Variants in DNAH9 observed in about 807,000 individuals in gnomAD.
The protein encoded by DNAH9 is dynein axonemal heavy chain 9, also known as DNAH9 variant protein.
In DNAH9, 345 loss-of-function variants were observed where a neutral mutation model predicts 471.6. The observed-to-expected ratio is 0.73, with a 90% CI of 0.67 to 0.80. The LOEUF (loss-of-function observed/expected upper bound fraction) is 0.80, where lower values mean the gene tolerates loss of function less well. DNAH9 is among the 30% of genes least tolerant of loss of function. The pLI is 0.00. For missense variants in DNAH9, 5,407 were observed against 5,609.2 expected (o/e 0.96, Z 1.15); for synonymous variants, 2,093 against 2,123.6 (o/e 0.99, Z 0.40).
intron 28 of DNAH9, among the ~76,000 whole-genome samples, chr17:11,735,971 A>G (rs377286896): frequency 1.6e-3 from 239 of 152,216 alleles, no homozygotes; most frequent in African/African-American, 5.2e-3. Flanking sequence ...CCACTTACCA[A>G]CTGTGGGGTT....
chr17:11,928,846 T>C (rs1471490383), intron 62 of DNAH9, among the ~76,000 whole-genome samples: 8 of 152,184 alleles, frequency 5.3e-5, no homozygotes, highest in Admixed American at 4.6e-4. Flanking sequence ...GAGGATCTCA[T>C]TAAAAGGCGC....
At chr17:11,791,761 C>T (rs1353527432) in intron 41 of DNAH9, among the ~76,000 whole-genome samples, 1 of 151,982 alleles carries the variant, frequency 6.6e-6, no homozygotes, top group East Asian at 1.9e-4. Flanking sequence ...CTTCTATAAT[C>T]GAGACGTATA....
At chr17:11,783,832 T>G in intron 40 of DNAH9, 84 bp downstream of exon 40, 1 of 1,105,980 alleles carries the variant, frequency 9.0e-7, no homozygotes, top group African/African-American at 1.6e-5. Context: ...ATAATTGGCC[T>G]TTTTCCCCAT....
At chr17:11,700,925 T>G (rs1020593623) in intron 23 of DNAH9, among the ~76,000 whole-genome samples, 197 bp from the exon 24 acceptor site, 107 of 152,176 alleles carry the variant, frequency 7.0e-4, no homozygotes, top group Non-Finnish European at 2.1e-4. Flanking sequence ...CTGCTGTTAA[T>G]TAAGTCTGGG....
chr17:11,951,460 C>T (rs528142550), intron 67 of DNAH9, among the ~76,000 whole-genome samples: 1 of 151,878 alleles, frequency 6.6e-6, no homozygotes, highest in South Asian at 2.1e-4. Flanking sequence ...GTGGGTGGAT[C>T]ACTTGAGGCC....
intron 38 of DNAH9, among the ~76,000 whole-genome samples, chr17:11,772,183 A>C (rs1398979184): frequency 6.6e-6 from 1 of 151,814 alleles, no homozygotes; most frequent in Non-Finnish European, 1.5e-5. Flanking sequence ...TATTTAATTG[A>C]TTTTCTATTT....
chr17:11,942,698 C>T (rs1396433447), intron 67 of DNAH9, among the ~76,000 whole-genome samples: 2 of 152,128 alleles, frequency 1.3e-5, no homozygotes, highest in Admixed American at 6.5e-5. Flanking sequence ...TGACATTTCT[C>T]GTCAACAAGG....
At chr17:11,918,550 A>G (rs1974031110) in intron 61 of DNAH9, among the ~76,000 whole-genome samples, 1 of 152,262 alleles carries the variant, frequency 6.6e-6, no homozygotes, top group African/African-American at 2.4e-5. Context: ...TTAAAAGGCA[A>G]GTAAAAGATA....
At chr17:11,701,391 G>T (rs1312006256) in intron 24 of DNAH9, 144 bp downstream of exon 24, 4 of 859,618 alleles carry the variant, frequency 4.7e-6, no homozygotes, top group East Asian at 4.9e-5. Flanking sequence ...ACTGTGAGGG[G>T]TCAGCAGGTG....
At chr17:11,950,087 T>G (rs534638571) in intron 67 of DNAH9, among the ~76,000 whole-genome samples, 1 of 152,266 alleles carries the variant, frequency 6.6e-6, no homozygotes, top group South Asian at 2.1e-4. Flanking sequence ...ATTTTTAGAG[T>G]AACTTTAAGT....
chr17:11,823,178 T>G (rs542600704), intron 48 of DNAH9, 144 bp downstream of exon 48: 8 of 708,256 alleles, frequency 1.1e-5, no homozygotes, highest in Admixed American at 5.9e-5. Flanking sequence ...GTATCTATTA[T>G]GTTCTCGTGT....
rs74444608 is a variant in DNAH9 at position 11,822,686 on chromosome 17, C to G, written c.9012+87C>G. 927 of 1,591,970 alleles carry G rather than the reference C, an allele frequency of 5.8e-4. 1 individual carries two copies. The African/African-American group carries it at 0.011, about 19-fold the overall frequency. On this transcript the variant is annotated intron_variant, in intron 47 of 68. Coordinates refer to ENST00000262442, the MANE Select transcript of DNAH9 (RefSeq NM_001372.4). The stretch of plus-strand genomic sequence containing the variant: ...TGTCCAGGATGTTAGGGTTAAAGAT[C>G]AAGCTTGAAGCATAAGTTTCCACAT...
rs773514699 is a variant in DNAH9, at chr17:11,690,073, G to A, written c.4251G>A (p.Glu1417=). 2 of 1,614,194 alleles carry A rather than the reference G, an allele frequency of 1.2e-6. No homozygotes were observed. The highest frequency in any genetic ancestry group is 1.7e-6 in the Non-Finnish European group (2 of 1,180,026). ...HLLQLQLHHY[E]DEVRGIVDKA... ...TGCAGCTCCAGCTGCACCACTATGA[G>A]GATGAGGTCCGGGGCATTGTGGACA... is the stretch of plus-strand genomic sequence containing the variant. The change falls in exon 20 of 69, where the codon GAG becomes GAA. Residue 1417 remains glutamate (E), a synonymous_variant. Transcript: ENST00000262442.
chr17:11,932,500 T>C lies in DNAH9; in HGVS notation c.12297+295T>C. 6.6e-6 allele frequency among the ~76,000 whole-genome samples: 1 copy of C among 152,178 alleles called. No individual in the cohort carries two copies. Among genetic ancestry groups the C allele is most frequent in the East Asian group, 1.9e-4 (1 of 5,182 alleles). ...GCAGGACCTGGGAGCTAGTTAGAAA[T>C]GCAGAATCTCAGGTCCCACCCAAAC... On this transcript the variant is annotated intron_variant, in intron 64 of 68. Transcript: ENST00000262442. This position sits in a 1 kb window ranked among gnomAD's most constrained non-coding sequence, Gnocchi z 4.3.
intron 32 of DNAH9, 87 bp from the exon 33 acceptor site, chr17:11,752,745 TG>T: frequency 9.4e-7 from 1 of 1,060,832 alleles, no homozygotes; most frequent in Non-Finnish European, 1.3e-6. Flanking sequence ...CCCCCTTCTG[TG>T]TGTTGTAGCT....
chr17:11,865,325 T>C (rs1028614227), intron 50 of DNAH9, among the ~76,000 whole-genome samples: 2 of 151,714 alleles, frequency 1.3e-5, no homozygotes, highest in African/African-American at 4.8e-5. Flanking sequence ...AATTCTTTTC[T>C]TTAAGAATGT....
chr17:11,768,402 G>A, intron 36 of DNAH9, 51 bp from the exon 37 acceptor site: 1 of 1,580,518 alleles, frequency 6.3e-7, no homozygotes, highest in Non-Finnish European at 8.6e-7. Flanking sequence ...TCCTGTGTGG[G>A]CTTCTTGAGT....
intron 17 of DNAH9, among the ~76,000 whole-genome samples, chr17:11,675,264 AT>A (rs2074031778): frequency 6.6e-6 from 1 of 152,154 alleles, no homozygotes; most frequent in South Asian, 2.1e-4. Context: ...TAGAAATTGA[AT>A]TGATTTTGTA....
intron 45 of DNAH9, among the ~76,000 whole-genome samples, chr17:11,818,949 T>C (rs1237029701): frequency 6.6e-6 from 1 of 151,630 alleles, no homozygotes; most frequent in Admixed American, 6.6e-5. Flanking sequence ...TTACCATTCC[T>C]CCTTTCCAAG....
Sources: gnomAD v4.1 joint callset for allele counts (sites outside exome capture counted in the v4.1 genomes callset) on GRCh38, gnomAD v4.1.1 for gene constraint, Gnocchi (gnomAD v3.1) non-coding constraint, MANE v1.5 for transcripts, NCBI Gene and HGNC (gene_info 2026-07-23, HGNC 2026-07-21) for gene names.